The following WWTR1 variants were observed in gnomAD, a reference collection of about 807,000 sequenced individuals.
WWTR1 encodes the protein WW domain-containing transcription regulator protein 1.
WWTR1 carries 13 observed loss-of-function variants against 40.1 expected under a neutral mutation model. The observed-to-expected ratio is 0.32, with a 90% CI of 0.21 to 0.52. The LOEUF is 0.52. Ranked by LOEUF, WWTR1 falls within the 20% of genes least tolerant of loss-of-function variation. The probability of loss-of-function intolerance (pLI) is 0.97; values close to 1 mark genes in which losing one functional copy is unlikely to be tolerated. For synonymous variants in WWTR1, 230 were observed against 210.1 expected (o/e 1.09, Z -0.82); for missense variants, 436 against 523.1 (o/e 0.83, Z 1.63).
intron 2 of WWTR1, among the ~76,000 whole-genome samples, chr3:149,603,944 C>T (rs1018102707): frequency 3.3e-5 from 5 of 150,556 alleles, no homozygotes; most frequent in East Asian, 3.9e-4. Context: ...TAGTATTTTG[C>T]CACGGTCATA....
intron 2 of WWTR1, among the ~76,000 whole-genome samples, chr3:149,623,316 T>C (rs1263940839): frequency 6.6e-6 from 1 of 152,198 alleles, no homozygotes; most frequent in Non-Finnish European, 1.5e-5. Context: ...TGAGCCGAGA[T>C]TGTGCCACTG....
chr3:149,707,808 G>C (rs184049328), upstream of WWTR1, among the ~76,000 whole-genome samples: 3 of 151,814 alleles, frequency 2.0e-5, no homozygotes, highest in African/African-American at 7.3e-5. Context: ...TACTGAACTT[G>C]CAATAGTCTC....
upstream of WWTR1, among the ~76,000 whole-genome samples, chr3:149,660,947 C>T (rs1024512111): frequency 5.9e-5 from 9 of 152,226 alleles, no homozygotes; most frequent in Admixed American, 2.6e-4. Context: ...GGCCCAGCCT[C>T]ATGTTATTTA....
At chr3:149,713,651 A>T (rs1262956776) in intron 5 of WWTR1, among the ~76,000 whole-genome samples, 1 of 152,162 alleles carries the variant, frequency 6.6e-6, no homozygotes, top group Admixed American at 6.5e-5. Context: ...AAAGTGCTGG[A>T]ATTACAGGCA....
At chr3:149,697,872 A>T (rs1715042885) in intron 1 of WWTR1, among the ~76,000 whole-genome samples, 1 of 152,204 alleles carries the variant, frequency 6.6e-6, no homozygotes, top group Admixed American at 6.5e-5. Context: ...AAAAGGGAGG[A>T]GTTGGCCAAA....
intron 2 of WWTR1, among the ~76,000 whole-genome samples, chr3:149,669,277 A>C (rs1713972223): frequency 6.6e-6 from 1 of 152,192 alleles, no homozygotes; most frequent in Non-Finnish European, 1.5e-5. Context: ...TTGTGACCAC[A>C]TAATCTTACC....
intron 2 of WWTR1, among the ~76,000 whole-genome samples, chr3:149,628,302 A>G (rs559594727): frequency 2.2e-4 from 33 of 152,074 alleles, no homozygotes; most frequent in East Asian, 5.8e-4. Flanking sequence ...CCCGGGAGGC[A>G]GAGCTTGCGG....
At chr3:149,607,441 A>T (rs1157776304) in intron 2 of WWTR1, among the ~76,000 whole-genome samples, 1 of 152,142 alleles carries the variant, frequency 6.6e-6, no homozygotes, top group Non-Finnish European at 1.5e-5. Flanking sequence ...CAGCCTCCTG[A>T]GTAGCTGGGA....
chr3:149,655,650 G>T (rs1316671481), intron 2 of WWTR1, among the ~76,000 whole-genome samples: 1 of 152,124 alleles, frequency 6.6e-6, no homozygotes, highest in Non-Finnish European at 1.5e-5. Context: ...AACAACAAAA[G>T]AACTCCTTGG....
intron 2 of WWTR1, among the ~76,000 whole-genome samples, chr3:149,632,299 C>T (rs1026967550): frequency 1.3e-5 from 2 of 152,136 alleles, no homozygotes; most frequent in Non-Finnish European, 2.9e-5. Context: ...CCCAAGGCCA[C>T]GTAGTTTCTA....
rs1056470378 is a variant in WWTR1 at position 149,717,969 on chromosome 3, T to C, written n.460-403A>G. Among the ~76,000 whole-genome samples the C allele has an allele frequency of 1.1e-3, 172 of 152,192 alleles. 1 individual carries two copies. The highest frequency in any genetic ancestry group is 3.9e-3 in the African/African-American group (161 of 41,512). On this transcript the variant is annotated intron_variant and non_coding_transcript_variant, in intron 4 of 6. Transcript: ENST00000474080. The stretch of plus-strand genomic sequence containing the variant: ...TTATTATTCTAATTTTAGAAAAAAA[T>C]AGAAATGATCATATCATCAAGGCTG...
At chr3:149,691,831 A>C (rs1311953071) in intron 1 of WWTR1, among the ~76,000 whole-genome samples, 1 of 152,094 alleles carries the variant, frequency 6.6e-6, no homozygotes, top group Non-Finnish European at 1.5e-5. Context: ...CCTGGCCAAC[A>C]CGGTGAAACC....
chr3:149,670,447 A>G (rs1039491123), intron 1 of WWTR1, among the ~76,000 whole-genome samples: 8 of 152,060 alleles, frequency 5.3e-5, no homozygotes, highest in South Asian at 4.2e-4. Context: ...CTCCTTCACT[A>G]TCTACTCTAA....
chr3:149,695,571 G>A (rs1714957356), intron 1 of WWTR1, among the ~76,000 whole-genome samples: 1 of 151,440 alleles, frequency 6.6e-6, no homozygotes. Flanking sequence ...GATCAGCCTG[G>A]CCAACATGGT....
At chr3:149,700,195 G>A (rs925866406) in intron 1 of WWTR1, among the ~76,000 whole-genome samples, 11 of 152,164 alleles carry the variant, frequency 7.2e-5, no homozygotes, top group African/African-American at 2.7e-4. Flanking sequence ...GGCTGAGCAA[G>A]GTGGCTTAGG....
intron 2 of WWTR1, among the ~76,000 whole-genome samples, chr3:149,597,029 C>T (rs985266491): frequency 6.6e-6 from 1 of 152,132 alleles, no homozygotes; most frequent in Non-Finnish European, 1.5e-5. Context: ...ATGATCTACT[C>T]CATAAAGTTA....
intron 5 of WWTR1, among the ~76,000 whole-genome samples, chr3:149,713,079 A>C (rs1011443134): frequency 6.6e-6 from 1 of 152,194 alleles, no homozygotes; most frequent in Non-Finnish European, 1.5e-5. Context: ...CCTGGTTAGC[A>C]GGGAATGTAG....
chr3:149,672,283 T>A (rs1349551996), intron 1 of WWTR1, among the ~76,000 whole-genome samples: 1 of 152,168 alleles, frequency 6.6e-6, no homozygotes, highest in Non-Finnish European at 1.5e-5. Flanking sequence ...TTCGTGTAGC[T>A]GGTAGAAGGA....
chr3:149,560,965 C>G (rs202182358), intron 3 of WWTR1, among the ~76,000 whole-genome samples: 1 of 149,692 alleles, frequency 6.7e-6, no homozygotes, highest in Admixed American at 6.7e-5. Flanking sequence ...CACCCCCCCC[C>G]GCAAAAAATC....
Sources: allele counts gnomAD v4.1 joint callset (sites outside exome capture counted in the v4.1 genomes callset), GRCh38; gene constraint gnomAD v4.1.1; transcripts MANE v1.5; gene names NCBI Gene and HGNC (gene_info 2026-07-23, HGNC 2026-07-21).